LRMDA: variants seen among roughly 807,000 people sequenced by gnomAD.
LRMDA encodes the protein leucine rich melanocyte differentiation associated, also known as leucine-rich melanocyte differentiation-associated protein.
A neutral mutation model predicts 29.8 loss-of-function variants in LRMDA; 18 were observed. The observed-to-expected ratio is 0.60, with a 90% confidence interval of 0.42 to 0.90. The LOEUF (loss-of-function observed/expected upper bound fraction) is 0.90, where lower values mean the gene tolerates loss of function less well. LRMDA is among the 40% of genes least tolerant of loss of function. The pLI is 0.00. For missense variants in LRMDA, 273 were observed against 273.9 expected, an observed-to-expected ratio of 1.00 and a Z score of 0.02; for synonymous variants, 125 against 109.4, an observed-to-expected ratio of 1.14 and a Z score of -0.89.
At chr10:75,610,226 G>A (rs12252406) in intron 2 of LRMDA, among the ~76,000 whole-genome samples, 1,572 of 152,206 alleles carry the variant, frequency 0.01, 18 homozygotes, top group African/African-American at 0.03. Flanking sequence ...TTTAGTTCCA[G>A]CTTTATCACT....
intron 2 of LRMDA, among the ~76,000 whole-genome samples, chr10:75,559,235 G>C (rs1306466117): frequency 3.3e-5 from 5 of 152,036 alleles, no homozygotes; most frequent in Non-Finnish European, 7.4e-5. Flanking sequence ...TAACTGGTGT[G>C]AGATGGTATC....
chr10:76,264,424 A>C (rs1839980669), intron 5 of LRMDA, among the ~76,000 whole-genome samples: 5 of 13,538 alleles, frequency 3.7e-4, no homozygotes, highest in Admixed American at 1.9e-3. Context: ...AAAAAAAAAA[A>C]AAAAAAAAAA....
At chr10:76,056,707 G>A (rs1016468319) in intron 4 of LRMDA, among the ~76,000 whole-genome samples, 2 of 152,238 alleles carry the variant, frequency 1.3e-5, no homozygotes, top group Admixed American at 6.5e-5. Context: ...AAATTGGAGT[G>A]GGCATTGGGA....
chr10:76,125,860 T>C (rs1849872883), intron 5 of LRMDA, among the ~76,000 whole-genome samples: 1 of 152,220 alleles, frequency 6.6e-6, no homozygotes, highest in Admixed American at 6.5e-5. Context: ...GTCCTACTCC[T>C]GTAGACAATT....
At chr10:75,919,028 CG>C (rs1845982399) in intron 2 of LRMDA, among the ~76,000 whole-genome samples, 1 of 152,120 alleles carries the variant, frequency 6.6e-6, no homozygotes, top group Non-Finnish European at 1.5e-5. Context: ...GTGGGCTTTA[CG>C]TATCTTAAAT....
At chr10:76,475,553 T>C (rs1842660355) in intron 6 of LRMDA, among the ~76,000 whole-genome samples, 1 of 152,074 alleles carries the variant, frequency 6.6e-6, no homozygotes, top group Non-Finnish European at 1.5e-5. Flanking sequence ...GCAGACCTAA[T>C]AGACATCTAC....
chr10:76,415,906 T>C (rs1364995578), intron 6 of LRMDA, among the ~76,000 whole-genome samples: 1 of 152,190 alleles, frequency 6.6e-6, no homozygotes, highest in Non-Finnish European at 1.5e-5. Flanking sequence ...AGCTGCAACC[T>C]CCACACTTGC....
At chr10:76,214,628 G>A (rs1414854389) in intron 5 of LRMDA, among the ~76,000 whole-genome samples, 2 of 151,770 alleles carry the variant, frequency 1.3e-5, no homozygotes, top group Non-Finnish European at 2.9e-5. Flanking sequence ...ACAGGTGTGA[G>A]CCACCGCGCC....
At chr10:76,313,197 C>T (rs1840650377) in intron 5 of LRMDA, among the ~76,000 whole-genome samples, 1 of 152,152 alleles carries the variant, frequency 6.6e-6, no homozygotes, top group Non-Finnish European at 1.5e-5. Flanking sequence ...TCGGCTTCCT[C>T]ATCTGTAAAA....
At chr10:75,928,017 T>C (rs1212309790) in intron 2 of LRMDA, among the ~76,000 whole-genome samples, 1 of 152,040 alleles carries the variant, frequency 6.6e-6, no homozygotes, top group African/African-American at 2.4e-5. Flanking sequence ...CTGTATGTGA[T>C]AACCACTCAG....
In LRMDA at chr10:76,006,707, C is replaced by T. The variant is rs548685390; in HGVS notation, c.132-29301C>T. 9.9e-5 allele frequency among the ~76,000 whole-genome samples: 15 copies of T among 152,142 alleles called. No homozygotes were observed. In the South Asian group the frequency reaches 3.1e-3, roughly 32 times the overall value. Reference sequence around the variant, plus strand: ...CGCTCTGACTTTTTCTTAGTGAGGGCTGGATTGTTTTTGAAAGGGGAATCG... The same window carrying T: ...CGCTCTGACTTTTTCTTAGTGAGGGTTGGATTGTTTTTGAAAGGGGAATCG... On this transcript the variant is annotated intron_variant, in intron 2 of 6. Transcript: ENST00000611255.
intron 2 of LRMDA, among the ~76,000 whole-genome samples, chr10:75,923,994 G>C (rs1321298281): frequency 6.6e-6 from 1 of 152,262 alleles, no homozygotes; most frequent in East Asian, 1.9e-4. Context: ...TATGTCACCA[G>C]CAAAGGAGCT....
At chr10:76,235,660 A>G (rs957634685) in intron 5 of LRMDA, among the ~76,000 whole-genome samples, 2 of 152,130 alleles carry the variant, frequency 1.3e-5, no homozygotes, top group African/African-American at 4.8e-5. Flanking sequence ...ATAAGATTCT[A>G]CGGGAGGGAA....
At chr10:75,926,474 G>A (rs1846121782) in intron 2 of LRMDA, among the ~76,000 whole-genome samples, 2 of 152,228 alleles carry the variant, frequency 1.3e-5, no homozygotes, top group South Asian at 4.1e-4. Context: ...GTTTCCAGAA[G>A]ATGGAGACCT....
intron 6 of LRMDA, among the ~76,000 whole-genome samples, chr10:76,374,229 A>G (rs1841488912): frequency 2.0e-5 from 3 of 152,218 alleles, no homozygotes; most frequent in Admixed American, 2.0e-4. Flanking sequence ...CTTTGTCTTT[A>G]TATTAACTTG....
intron 2 of LRMDA, among the ~76,000 whole-genome samples, chr10:75,609,689 C>A (rs1194064129): frequency 6.6e-6 from 1 of 152,048 alleles, no homozygotes; most frequent in Non-Finnish European, 1.5e-5. Flanking sequence ...GCTGAGAAGC[C>A]CTGAGTGTGT....
intron 5 of LRMDA, among the ~76,000 whole-genome samples, chr10:76,223,634 C>T (rs138413192): frequency 6.6e-6 from 1 of 151,816 alleles, no homozygotes; most frequent in East Asian, 2.0e-4. Flanking sequence ...TTCCTGCTCT[C>T]TTTTGGCCCT....
At chr10:76,492,585 A>G (rs1245865793) in intron 6 of LRMDA, among the ~76,000 whole-genome samples, 1 of 151,840 alleles carries the variant, frequency 6.6e-6, no homozygotes, top group Non-Finnish European at 1.5e-5. Flanking sequence ...CAAAACTGGG[A>G]CTCTGTTGGG....
At chr10:76,401,709 T>C (rs7894028) in intron 6 of LRMDA, among the ~76,000 whole-genome samples, 93,018 of 152,050 alleles carry the variant, frequency 0.61, 32,752 homozygotes, top group Non-Finnish European at 0.82. Context: ...GATCTGTACT[T>C]GCTGCATAGT....
Sources: gnomAD v4.1 joint callset for allele counts (sites outside exome capture counted in the v4.1 genomes callset) on GRCh38, gnomAD v4.1.1 for gene constraint, MANE v1.5 for transcripts, NCBI Gene and HGNC (gene_info 2026-07-23, HGNC 2026-07-21) for gene names.